Variants in RBFOX1 observed in about 807,000 individuals in gnomAD.
The protein encoded by RBFOX1 is RNA binding fox-1 homolog 1.
RBFOX1 carries 8 observed loss-of-function variants against 57.7 expected under a neutral mutation model. That is an observed-to-expected ratio of 0.14 (90% confidence interval 0.08 to 0.25). The LOEUF is 0.25. Among genes scored for constraint, RBFOX1 ranks in the 10% least tolerant of loss-of-function variants. The pLI is 1.00. For missense variants in RBFOX1, 611 were observed against 548.5 expected (o/e 1.11, Z -1.14); for synonymous variants, 326 against 222.4 (o/e 1.47, Z -4.15).
chr16:6,295,120 T>G (rs1468647213), intron 1 of RBFOX1, among the ~76,000 whole-genome samples: 1 of 90,840 alleles, frequency 1.1e-5, no homozygotes, highest in African/African-American at 3.3e-5. Context: ...TTTTTTTTTT[T>G]TTTTTTGAGA....
intron 1 of RBFOX1, among the ~76,000 whole-genome samples, chr16:6,098,138 C>G (rs1256561158): frequency 6.6e-6 from 1 of 151,684 alleles, no homozygotes; most frequent in East Asian, 2.0e-4. Context: ...TGCTACCCTT[C>G]GTTGCCTGGA....
intron 5 of RBFOX1, among the ~76,000 whole-genome samples, chr16:7,532,845 T>C (rs1319867087): frequency 1.3e-5 from 2 of 152,238 alleles, no homozygotes; most frequent in South Asian, 2.1e-4. Context: ...ATTATGCTTA[T>C]TGTTTGACCC....
intron 5 of RBFOX1, among the ~76,000 whole-genome samples, chr16:7,523,466 C>G (rs748261659): frequency 1.1e-4 from 16 of 152,180 alleles, no homozygotes; most frequent in Non-Finnish European, 1.6e-4. Context: ...CTTGGGCAAA[C>G]ATGTCAGAAA....
At chr16:6,616,180 C>G (rs1016116297) in intron 2 of RBFOX1, among the ~76,000 whole-genome samples, 1 of 152,130 alleles carries the variant, frequency 6.6e-6, no homozygotes, top group Non-Finnish European at 1.5e-5. Context: ...GTGTATTTAA[C>G]TTTTCTGTTC....
intron 12 of RBFOX1, among the ~76,000 whole-genome samples, chr16:7,657,781 T>G (rs540677265): frequency 6.6e-6 from 1 of 152,094 alleles, no homozygotes; most frequent in Admixed American, 6.5e-5. Flanking sequence ...GTAGGGAAAG[T>G]TGTGGACCAT....
intron 5 of RBFOX1, among the ~76,000 whole-genome samples, chr16:7,557,573 C>G (rs1331949832): frequency 2.4e-5 from 3 of 122,656 alleles, no homozygotes; most frequent in Non-Finnish European, 4.7e-5. Flanking sequence ...TGAGCCAAGA[C>G]TGTACCACTG....
chr16:6,646,364 A>C (rs1232427180), intron 2 of RBFOX1, among the ~76,000 whole-genome samples: 2 of 152,196 alleles, frequency 1.3e-5, no homozygotes, highest in African/African-American at 4.8e-5. Flanking sequence ...CATCTAAATA[A>C]AAAATCCAGC....
chr16:6,521,389 CCTCT>C (rs2096494158), intron 2 of RBFOX1, among the ~76,000 whole-genome samples: 1 of 151,244 alleles, frequency 6.6e-6, no homozygotes, highest in African/African-American at 2.4e-5. Flanking sequence ...CCTTTCCTTC[CCTCT>C]CTCCCTCCCT....
chr16:7,199,926 A>G (rs969391687), intron 4 of RBFOX1, among the ~76,000 whole-genome samples: 6 of 152,082 alleles, frequency 3.9e-5, no homozygotes, highest in Admixed American at 6.6e-5. Context: ...AACAACAACA[A>G]CAACAAAGAA....
chr16:5,403,012 A>T (rs1377942814), intron 1 of RBFOX1, among the ~76,000 whole-genome samples: 1 of 152,234 alleles, frequency 6.6e-6, no homozygotes, highest in Admixed American at 6.5e-5. Flanking sequence ...GCATGCATGC[A>T]TGCACACACG....
chr16:7,277,823 A>T (rs376442868), intron 4 of RBFOX1, among the ~76,000 whole-genome samples: 3 of 152,212 alleles, frequency 2.0e-5, no homozygotes, highest in Non-Finnish European at 4.4e-5. Context: ...ATTAGTTAAC[A>T]TAAGAATTCC....
intron 4 of RBFOX1, among the ~76,000 whole-genome samples, chr16:7,230,984 A>T (rs1243768567): frequency 1.3e-5 from 2 of 152,156 alleles, no homozygotes; most frequent in Non-Finnish European, 2.9e-5. Context: ...TCTGAGTCCC[A>T]GAATTCACAT....
chr16:5,526,751 C>T (rs998445260), intron 2 of RBFOX1, among the ~76,000 whole-genome samples: 2 of 152,212 alleles, frequency 1.3e-5, no homozygotes, highest in Non-Finnish European at 2.9e-5. Context: ...CACGTACATT[C>T]TGTAAAGTAC....
At chr16:6,387,583 C>T (rs963591441) in intron 2 of RBFOX1, among the ~76,000 whole-genome samples, 1 of 151,744 alleles carries the variant, frequency 6.6e-6, no homozygotes, top group Non-Finnish European at 1.5e-5. Flanking sequence ...GCTCATAAAA[C>T]AGGCACCAGC....
chr16:7,384,692 C>G lies in RBFOX1; in HGVS notation c.28-133455C>G, dbSNP rs183955388. Among the ~76,000 whole-genome samples the G allele has an allele frequency of 1.8e-4, 27 of 152,282 alleles. No homozygotes were observed. The East Asian group carries it at 4.8e-3, about 27-fold the overall frequency. On this transcript the variant is annotated intron_variant, in intron 4 of 15. Transcript: ENST00000550418. ...AATAAGACCATCCTGTAATGACAACCTAGACTTAGACTTGCACGAAATAGA... is the reference window on the plus strand; with the variant it reads ...AATAAGACCATCCTGTAATGACAACGTAGACTTAGACTTGCACGAAATAGA...
At position 7,219,607 on chromosome 16, in the gene RBFOX1, C is replaced by T. The variant is rs142633707; in HGVS notation, c.27+167509C>T. Among the ~76,000 whole-genome samples, 299 of 152,230 alleles carry T rather than the reference C, an allele frequency of 2.0e-3. 1 individual carries two copies. The highest frequency in any genetic ancestry group is 3.9e-3 in the African/African-American group (161 of 41,544). ...GCATAGCTGTTGTAGAAAGAACAAG[C>T]GTGGCGGATTTTTCACACTTGATGG... On this transcript the variant is annotated intron_variant, in intron 4 of 15. Coordinates refer to ENST00000550418, the MANE Select transcript of RBFOX1 (RefSeq NM_018723.4).
chr16:7,459,428 A>G (rs554193168), intron 4 of RBFOX1, among the ~76,000 whole-genome samples: 3 of 152,306 alleles, frequency 2.0e-5, no homozygotes, highest in South Asian at 4.1e-4. Context: ...GAAAATTATG[A>G]TGGAAATAAG....
chr16:6,041,956 C>A (rs1211690577), intron 1 of RBFOX1, among the ~76,000 whole-genome samples: 2 of 152,068 alleles, frequency 1.3e-5, no homozygotes, highest in East Asian at 3.9e-4. Flanking sequence ...TTCTGGAGGC[C>A]CTAGGAAAGA....
chr16:6,518,267 A>G (rs1423165104), intron 2 of RBFOX1, among the ~76,000 whole-genome samples: 1 of 152,158 alleles, frequency 6.6e-6, no homozygotes. Flanking sequence ...AACAAACATT[A>G]GTTAAGAAAA....
Sources: gnomAD v4.1 joint callset for allele counts (sites outside exome capture counted in the v4.1 genomes callset) on GRCh38, gnomAD v4.1.1 for gene constraint, MANE v1.5 for transcripts, NCBI Gene and HGNC (gene_info 2026-07-23, HGNC 2026-07-21) for gene names.